ZNF565: variants seen among roughly 807,000 people sequenced by gnomAD.
The protein encoded by ZNF565 is zinc finger protein 565.
Under a neutral mutation model 39.4 loss-of-function variants are expected in ZNF565, and 27 were observed. The observed-to-expected ratio is 0.69, with a 90% CI of 0.51 to 0.95. The LOEUF (loss-of-function observed/expected upper bound fraction) is 0.95, where lower values mean the gene tolerates loss of function less well. ZNF565 is among the 40% of genes least tolerant of loss of function. ZNF565 has a pLI of 0.00. For synonymous variants in ZNF565, 185 were observed against 216.6 expected (o/e 0.85, Z 1.28); for missense variants, 524 against 621.1 (o/e 0.84, Z 1.66).
Position 36,197,108 on chromosome 19 carries a change from T to A in ZNF565, c.10-1952A>T, listed in dbSNP as rs187747479. 2.7e-3 allele frequency among the ~76,000 whole-genome samples: 401 copies of A among 148,092 alleles called. 3 individuals carry two copies. The highest frequency in any genetic ancestry group is 9.2e-3 in the African/African-American group (371 of 40,448). ...CAACATGGCAAAACCCTGTCTCTACTAAAACTACAAAAAATTAGCCAGGCG... is the reference window on the plus strand; with the variant it reads ...CAACATGGCAAAACCCTGTCTCTACAAAAACTACAAAAAATTAGCCAGGCG... On this transcript the variant is annotated intron_variant, in intron 2 of 4. Coordinates refer to ENST00000304116, the MANE Select transcript of ZNF565 (RefSeq NM_152477.5).
intron 2 of ZNF565, among the ~76,000 whole-genome samples, chr19:36,200,778 C>T (rs1975932597): frequency 6.6e-6 from 1 of 151,444 alleles, no homozygotes; most frequent in Non-Finnish European, 1.5e-5. Context: ...GGAGCCACCA[C>T]ACCCAGCATA....
chr19:36,182,341 T>A lies in ZNF565; in HGVS notation c.*125A>T, dbSNP rs1975114758. 13 of 721,784 alleles carry A rather than the reference T, an allele frequency of 1.8e-5. No individual in the cohort carries two copies. The South Asian group carries it at 4.9e-4, about 27-fold the overall frequency. 44.7% of individuals were successfully genotyped at this position (721,784 alleles called of 1,614,324 possible). ...TTTTCTTTGGGTGTGAGTTTTCTGA[T>A]GTTCTATGATGGAAGTGACAGGTGT... On this transcript the variant is annotated 3_prime_UTR_variant, in exon 5 of 5. Transcript: ENST00000304116.
intron 1 of ZNF565, among the ~76,000 whole-genome samples, chr19:36,240,284 T>G (rs761821594): frequency 6.6e-6 from 1 of 152,240 alleles, no homozygotes; most frequent in Non-Finnish European, 1.5e-5. Context: ...TAGCTAGGCA[T>G]GTGCCACACA....
chr19:36,202,050 C>T lies in ZNF565; in HGVS notation c.-65G>A, dbSNP rs1414137577. On this transcript the variant is annotated splice_region_variant and 5_prime_UTR_variant, in exon 2 of 5. Transcript: ENST00000304116. ...TTCTTCTCTTGGACAAGTGCAGAGT[C>T]CTGAAAAAGCAAAATGGGGGGAGAT... 1 of 1,592,692 alleles carries T rather than the reference C, an allele frequency of 6.3e-7. No homozygotes were observed. Among genetic ancestry groups the T allele is most frequent in the South Asian group, 1.1e-5 (1 of 90,648 alleles).
intron 1 of ZNF565, among the ~76,000 whole-genome samples, chr19:36,226,917 C>T (rs1977091925): frequency 6.6e-6 from 1 of 151,914 alleles, no homozygotes; most frequent in Non-Finnish European, 1.5e-5. Flanking sequence ...AACTCCGTCT[C>T]TACTGAAAAT....
At chr19:36,188,176 G>A (rs1975380244) in intron 4 of ZNF565, among the ~76,000 whole-genome samples, 1 of 150,934 alleles carries the variant, frequency 6.6e-6, no homozygotes, top group South Asian at 2.1e-4. Context: ...CTAACACGGT[G>A]AAACCCGTCT....
intron 1 of ZNF565, among the ~76,000 whole-genome samples, chr19:36,235,157 C>T (rs959668296): frequency 2.0e-5 from 3 of 150,664 alleles, no homozygotes; most frequent in Non-Finnish European, 3.0e-5. Flanking sequence ...TGCAGTGAGC[C>T]GAGATCGCAC....
In ZNF565 at chr19:36,182,667, T is replaced by C. The variant is rs1474362746; in HGVS notation, c.1299A>G (p.Gln433=). Residue 433 remains glutamine (Q), a synonymous_variant, in exon 5 of 5, where the codon CAA becomes CAG. Coordinates refer to ENST00000304116, the MANE Select transcript of ZNF565 (RefSeq NM_152477.5). ...TGTGAATTCGCTGATGATGAGTCAG[T>C]TGTGAAACACGAATAAAGGCCTTCC... ...ECGKAFIRVS[Q]LTHHQRIHTC... 3.1e-6 allele frequency: 5 copies of C among 1,614,090 alleles called. No individual in the cohort carries two copies. The highest frequency in any genetic ancestry group is 1.1e-5 in the South Asian group (1 of 91,086).
At chr19:36,184,688 A>C (rs1975226365) in intron 4 of ZNF565, among the ~76,000 whole-genome samples, 1 of 152,142 alleles carries the variant, frequency 6.6e-6, no homozygotes, top group Non-Finnish European at 1.5e-5. Flanking sequence ...TGTCTCTATA[A>C]ATTTGCCTAT....
chr19:36,182,657 G>C lies in ZNF565; in HGVS notation c.1309C>G (p.His437Asp). The C allele has an allele frequency of 1.2e-6, 2 of 1,614,138 alleles. No homozygotes were observed. The highest frequency in any genetic ancestry group is 8.5e-7 in the Non-Finnish European group (1 of 1,179,986). Residue 437 changes from histidine (H) to aspartate (D), a missense_variant, in exon 5 of 5, where the codon CAT becomes GAT. Physicochemically the swap from His to Asp is moderately conservative, Grantham distance 81. Coordinates refer to ENST00000304116, the MANE Select transcript of ZNF565 (RefSeq NM_152477.5). The part of the protein sequence containing the change: ...AFIRVSQLTH[H>D]QRIHTCEKPY... ...TTCTCACAAGTGTGAATTCGCTGAT[G>C]ATGAGTCAGTTGTGAAACACGAATA...
intron 1 of ZNF565, among the ~76,000 whole-genome samples, chr19:36,219,978 A>G (rs944946812): frequency 1.3e-5 from 2 of 152,046 alleles, no homozygotes; most frequent in African/African-American, 4.8e-5. Flanking sequence ...AGTTGTGTAT[A>G]TTTAGCGTGT....
intron 1 of ZNF565, among the ~76,000 whole-genome samples, chr19:36,211,449 T>TCTCACACACACACA (rs1229625965): frequency 7.3e-5 from 10 of 137,772 alleles, no homozygotes; most frequent in African/African-American, 2.2e-4. Flanking sequence ...CAACTCTCTC[T>TCTCACACACACACA]CACACACACA....
At chr19:36,198,311 G>T (rs1231775187) in intron 2 of ZNF565, among the ~76,000 whole-genome samples, 1 of 152,110 alleles carries the variant, frequency 6.6e-6, no homozygotes, top group Non-Finnish European at 1.5e-5. Context: ...GCCACAAAAA[G>T]AATGAGATCT....
Position 36,183,224 on chromosome 19 carries a change from C to A in ZNF565, c.742G>T (p.Val248Phe), listed in dbSNP as rs1327984810. 6.2e-7 allele frequency: 1 copy of A among 1,614,124 alleles called. No homozygotes were observed. The highest frequency in any genetic ancestry group is 8.5e-7 in the Non-Finnish European group (1 of 1,180,036). ...LILHQRLHTG[V>F]KPYECKECGK... is the part of the protein sequence containing the mutation. ...CATTCTTTACATTCATAAGGTTTGA[C>A]ACCAGTATGAAGTCTCTGATGTAGA... is the stretch of plus-strand genomic sequence containing the variant. Residue 248 changes from valine (V) to phenylalanine (F), a missense_variant, in exon 5 of 5, where the codon GTC (valine) becomes TTC (phenylalanine). Transcript: ENST00000304116.
chr19:36,194,365 G>A (rs768361684), intron 3 of ZNF565, 37 bp from the exon 4 acceptor site: 47 of 1,517,072 alleles, frequency 3.1e-5, no homozygotes, highest in South Asian at 3.7e-5. Flanking sequence ...TGATCAGACC[G>A]CTCCAAAATC....
intron 1 of ZNF565, among the ~76,000 whole-genome samples, chr19:36,231,706 A>C (rs1267107453): frequency 2.0e-5 from 3 of 152,024 alleles, no homozygotes; most frequent in Non-Finnish European, 4.4e-5. Context: ...GACCAGTTTC[A>C]TGTTATTTCT....
chr19:36,223,421 G>A (rs1976939843), intron 1 of ZNF565, among the ~76,000 whole-genome samples: 1 of 151,898 alleles, frequency 6.6e-6, no homozygotes, highest in African/African-American at 2.4e-5. Flanking sequence ...GGAATGCAGT[G>A]GTGCGATTTC....
intron 4 of ZNF565, among the ~76,000 whole-genome samples, chr19:36,189,271 A>G (rs968247901): frequency 2.6e-5 from 4 of 152,040 alleles, no homozygotes; most frequent in African/African-American, 9.7e-5. Context: ...CCTGGGCAAC[A>G]GAGCCAGAAC....
chr19:36,231,895 G>C (rs542053415), intron 1 of ZNF565, among the ~76,000 whole-genome samples: 1 of 144,614 alleles, frequency 6.9e-6, no homozygotes, highest in South Asian at 2.2e-4. Flanking sequence ...TTGAGACCCC[G>C]TATCTTTTTT....
Sources: gnomAD v4.1 joint callset for allele counts (sites outside exome capture counted in the v4.1 genomes callset) on GRCh38, gnomAD v4.1.1 for gene constraint, MANE v1.5 for transcripts, NCBI Gene and HGNC (gene_info 2026-07-23, HGNC 2026-07-21) for gene names.